The following ZFAND6 variants were observed in gnomAD, a reference collection of about 807,000 sequenced individuals.
ZFAND6 encodes the protein zinc finger AN1-type containing 6.
ZFAND6 carries 12 observed loss-of-function variants against 24.5 expected under a neutral mutation model. That is an observed-to-expected ratio of 0.49 (90% CI 0.31 to 0.79). The LOEUF (loss-of-function observed/expected upper bound fraction) is 0.79, where lower values mean the gene tolerates loss of function less well. Ranked by LOEUF, ZFAND6 falls within the 30% of genes least tolerant of loss-of-function variation. The pLI, the probability that ZFAND6 is intolerant of heterozygous loss-of-function variation, is 0.04. For missense variants in ZFAND6, 207 were observed against 245.9 expected (o/e 0.84, Z 1.06); for synonymous variants, 92 against 81.5 (o/e 1.13, Z -0.69).
chr15:80,131,724 T>G (rs1277259910), intron 6 of ZFAND6, among the ~76,000 whole-genome samples: 3 of 152,198 alleles, frequency 2.0e-5, no homozygotes, highest in Admixed American at 2.0e-4. Flanking sequence ...CAGTAAGTAA[T>G]TAATATATGT....
At chr15:80,127,589 C>CAAAA (rs55872915) in intron 5 of ZFAND6, among the ~76,000 whole-genome samples, 4 of 120,072 alleles carry the variant, frequency 3.3e-5, no homozygotes, top group South Asian at 2.7e-4. Context: ...AACTCCATCT[C>CAAAA]AAAAAAAAAA....
At chr15:80,116,623 A>G (rs901459973) in intron 2 of ZFAND6, among the ~76,000 whole-genome samples, 1 of 152,194 alleles carries the variant, frequency 6.6e-6, no homozygotes, top group African/African-American at 2.4e-5. Context: ...TAACATTATC[A>G]GATAATAGAG....
At chr15:80,075,279 T>C in intron 1 of ZFAND6, 1 of 230,182 alleles carries the variant, frequency 4.3e-6, no homozygotes, top group Non-Finnish European at 8.9e-6. Context: ...GTCGTCTTAA[T>C]AAAATTTAAT....
chr15:80,122,626 C>T, intron 4 of ZFAND6, 74 bp from the exon 5 acceptor site: 1 of 939,078 alleles, frequency 1.1e-6, no homozygotes, highest in Non-Finnish European at 1.7e-6. Context: ...ATATGTTGAA[C>T]TCTTACTGTG....
intron 2 of ZFAND6, among the ~76,000 whole-genome samples, chr15:80,118,013 GAA>G (rs2039961605): frequency 3.7e-5 from 3 of 81,534 alleles, no homozygotes; most frequent in Admixed American, 3.0e-4. Flanking sequence ...TCCAGGTATT[GAA>G]TTGTGTGTGT....
chr15:80,103,856 G>GT (rs2039166494), intron 2 of ZFAND6, among the ~76,000 whole-genome samples: 1 of 151,992 alleles, frequency 6.6e-6, no homozygotes, highest in Non-Finnish European at 1.5e-5. Flanking sequence ...TATTATTATT[G>GT]TTTTTTTAAG....
chr15:80,096,554 C>T (rs2038733227), intron 1 of ZFAND6, among the ~76,000 whole-genome samples: 1 of 152,168 alleles, frequency 6.6e-6, no homozygotes. Flanking sequence ...AACATCAAGT[C>T]ATCTCTTACA....
chr15:80,121,400 C>T (rs2040140071), intron 3 of ZFAND6, among the ~76,000 whole-genome samples: 1 of 152,120 alleles, frequency 6.6e-6, no homozygotes, highest in South Asian at 2.1e-4. Flanking sequence ...ATTTAAATAT[C>T]TCATTTGTTC....
chr15:80,083,638 G>A (rs781295518), intron 1 of ZFAND6, among the ~76,000 whole-genome samples: 10 of 152,208 alleles, frequency 6.6e-5, no homozygotes, highest in Admixed American at 1.3e-4. Flanking sequence ...GCTGGGCACA[G>A]TGGCTCATGC....
intron 1 of ZFAND6, among the ~76,000 whole-genome samples, chr15:80,076,911 A>G (rs2037316894): frequency 6.6e-6 from 1 of 152,218 alleles, no homozygotes; most frequent in Non-Finnish European, 1.5e-5. Flanking sequence ...AACATTAAAA[A>G]AAAAAAGTAT....
At chr15:80,110,264 C>T (rs1596285103) in intron 2 of ZFAND6, among the ~76,000 whole-genome samples, 1 of 152,112 alleles carries the variant, frequency 6.6e-6, no homozygotes, top group Non-Finnish European at 1.5e-5. Flanking sequence ...GGAATTGGGG[C>T]AGACCACCTA....
chr15:80,117,772 T>C (rs1251997824), intron 2 of ZFAND6, among the ~76,000 whole-genome samples: 1 of 152,176 alleles, frequency 6.6e-6, no homozygotes, highest in East Asian at 1.9e-4. Context: ...AGCATGGTGA[T>C]GAAGAGTTGA....
At chr15:80,091,645 A>C (rs199869680) in intron 1 of ZFAND6, among the ~76,000 whole-genome samples, 3 of 59,912 alleles carry the variant, frequency 5.0e-5, no homozygotes, top group African/African-American at 1.2e-4. Flanking sequence ...TTAAAAAAAA[A>C]ACTTTTTTTA....
chr15:80,080,493 A>G (rs1044642995), intron 1 of ZFAND6, among the ~76,000 whole-genome samples: 1 of 152,224 alleles, frequency 6.6e-6, no homozygotes, highest in African/African-American at 2.4e-5. Context: ...TAACAATAAT[A>G]GAATAATTAT....
At chr15:80,117,375 G>T (rs537338651) in intron 2 of ZFAND6, among the ~76,000 whole-genome samples, 39 of 152,086 alleles carry the variant, frequency 2.6e-4, no homozygotes, top group Admixed American at 4.6e-4. Context: ...GGCTCCTGCC[G>T]CTATGCCTGG....
chr15:80,098,177 ATAAAG>A (rs2038841704), intron 1 of ZFAND6, among the ~76,000 whole-genome samples: 1 of 152,236 alleles, frequency 6.6e-6, no homozygotes, highest in Admixed American at 6.5e-5. Flanking sequence ...AAATGATTAT[ATAAAG>A]TAATCCTTAC....
At chr15:80,065,887 T>A (rs1041635516) in intron 1 of ZFAND6, among the ~76,000 whole-genome samples, 5 of 152,158 alleles carry the variant, frequency 3.3e-5, no homozygotes, top group Non-Finnish European at 7.4e-5. Flanking sequence ...ACTTTTATAA[T>A]ATTTTATGTT....
Position 80,137,595 on chromosome 15 carries a change from A to G in ZFAND6, c.594A>G (p.Pro198=). Residue 198 remains proline, a synonymous_variant, in exon 7 of 7, where the codon CCA becomes CCG. Coordinates refer to ENST00000261749, the MANE Select transcript of ZFAND6 (RefSeq NM_019006.4). Reference sequence around the variant, plus strand: ...CTGAGAAAATCAGAAAAGAAAATCCAGTAGTTGTTGGTGAAAAGATCCAAA... The same window carrying G: ...CTGAGAAAATCAGAAAAGAAAATCCGGTAGTTGTTGGTGAAAAGATCCAAA... The part of the protein sequence containing the change: ...DAAEKIRKEN[P]VVVGEKIQKI 3 of 1,603,042 alleles carry G rather than the reference A, an allele frequency of 1.9e-6. No homozygotes were observed. Among genetic ancestry groups the G allele is most frequent in the Non-Finnish European group, 2.5e-6 (3 of 1,176,758 alleles).
chr15:80,097,238 G>A (rs1216600495), intron 1 of ZFAND6, among the ~76,000 whole-genome samples: 2 of 152,044 alleles, frequency 1.3e-5, no homozygotes, highest in Admixed American at 1.3e-4. Flanking sequence ...GACCTCTGGT[G>A]ATCTGCCTGC....
Sources: allele counts gnomAD v4.1 joint callset (sites outside exome capture counted in the v4.1 genomes callset), GRCh38; gene constraint gnomAD v4.1.1; transcripts MANE v1.5; gene names NCBI Gene and HGNC (gene_info 2026-07-23, HGNC 2026-07-21).